Variants in ERN1 observed in about 807,000 individuals in gnomAD.
ERN1 encodes the protein endoplasmic reticulum to nucleus signaling 1.
ERN1 carries 39 observed loss-of-function variants against 113.1 expected under a neutral mutation model. The ratio of observed to expected loss-of-function variants is 0.34; its 90% CI spans 0.27 to 0.45. The LOEUF is 0.45. Ranked by LOEUF, ERN1 falls within the 20% of genes least tolerant of loss-of-function variation. The pLI, the probability that ERN1 is intolerant of heterozygous loss-of-function variation, is 1.00. For missense variants in ERN1, 976 were observed against 1,274.8 expected (o/e 0.77, Z 3.57); for synonymous variants, 507 against 515.9 (o/e 0.98, Z 0.23).
At position 64,053,657 on chromosome 17, in the gene ERN1, G is replaced by C. The variant is rs548146614; in HGVS notation, c.1954-286C>G. Among the ~76,000 whole-genome samples, 4 of 152,250 alleles carry C rather than the reference G, an allele frequency of 2.6e-5. No homozygotes were observed. In the East Asian group the frequency reaches 5.8e-4, roughly 22 times the overall value. ...AAGTGAGCCTGGAAAATGAGCAAAAGGAGCTTGCTGGATGATCTTAAAGCC... is the reference window on the plus strand; with the variant it reads ...AAGTGAGCCTGGAAAATGAGCAAAACGAGCTTGCTGGATGATCTTAAAGCC... On this transcript the variant is annotated intron_variant, in intron 15 of 21. Transcript: ENST00000433197.
rs996987324 is a variant in ERN1 at position 64,086,532 on chromosome 17, G to T, written c.176-5724C>A. On this transcript the variant is annotated intron_variant, in intron 2 of 21. Coordinates refer to ENST00000433197, the MANE Select transcript of ERN1 (RefSeq NM_001433.5). The stretch of plus-strand genomic sequence containing the variant: ...CCTATTTACCTGCTGAGGGACATTT[G>T]AGTTGTTTTTATTTTCTTGGCTGGT... 1.1e-4 allele frequency among the ~76,000 whole-genome samples: 17 copies of T among 150,364 alleles called. No homozygotes were observed. The East Asian group carries it at 1.4e-3, about 12-fold the overall frequency.
chr17:64,079,875 A>G (rs1913714513), intron 3 of ERN1, 141 bp from the exon 4 acceptor site: 1 of 620,924 alleles, frequency 1.6e-6, no homozygotes, highest in Non-Finnish European at 2.9e-6. Context: ...ATATAAGACA[A>G]TTCCACCCAC....
chr17:64,095,153 A>T (rs1345635951), intron 2 of ERN1, among the ~76,000 whole-genome samples: 3 of 152,194 alleles, frequency 2.0e-5, no homozygotes, highest in African/African-American at 7.2e-5. Flanking sequence ...ACTGGAAATT[A>T]TTAGGCTGGG....
At chr17:64,109,628 G>A (rs1404288062) in intron 1 of ERN1, among the ~76,000 whole-genome samples, 1 of 152,180 alleles carries the variant, frequency 6.6e-6, no homozygotes, top group East Asian at 1.9e-4. Flanking sequence ...ACTGTTTACT[G>A]CTTCTGGGAT....
intron 1 of ERN1, among the ~76,000 whole-genome samples, chr17:64,127,756 T>G (rs1457586224): frequency 3.1e-5 from 3 of 96,428 alleles, no homozygotes; most frequent in Non-Finnish European, 5.8e-5. Context: ...AAACTCCATA[T>G]CAAAAAAAAA....
intron 1 of ERN1, among the ~76,000 whole-genome samples, chr17:64,100,344 C>T (rs1477831306): frequency 1.3e-5 from 2 of 152,126 alleles, no homozygotes; most frequent in Non-Finnish European, 2.9e-5. Flanking sequence ...GCAAATTATG[C>T]ATACCTGGGG....
chr17:64,102,433 C>T (rs73992929), intron 1 of ERN1, among the ~76,000 whole-genome samples: 7,661 of 152,266 alleles, frequency 0.05, 634 homozygotes, highest in African/African-American at 0.18. Flanking sequence ...ACTATTACAA[C>T]TGGCAGGTTC....
chr17:64,093,176 T>C (rs1024615727), intron 2 of ERN1, among the ~76,000 whole-genome samples: 3 of 152,208 alleles, frequency 2.0e-5, no homozygotes, highest in Non-Finnish European at 2.9e-5. Flanking sequence ...TCCAGTTCAT[T>C]GGCTCCTGAA....
At chr17:64,084,884 C>T (rs1329093022) in intron 2 of ERN1, among the ~76,000 whole-genome samples, 1 of 152,210 alleles carries the variant, frequency 6.6e-6, no homozygotes, top group Non-Finnish European at 1.5e-5. Flanking sequence ...ACTGGCTGTT[C>T]CTCTGCCTAG....
chr17:64,130,125 C>G lies in ERN1; in HGVS notation c.-96G>C. The stretch of plus-strand genomic sequence containing the variant: ...GAGGCGGTGACCGAGCCTCAGCGGA[C>G]GCAGAACTGACTAGGCAGCGGCGGC... On this transcript the variant is annotated 5_prime_UTR_variant, in exon 1 of 22. Coordinates refer to ENST00000433197, the MANE Select transcript of ERN1 (RefSeq NM_001433.5). The surrounding 1 kb of genome is among the most constrained non-coding windows in gnomAD (Gnocchi z 4.0). 1.7e-6 allele frequency: 2 copies of G among 1,144,434 alleles called. No homozygotes were observed. Among genetic ancestry groups the G allele is most frequent in the East Asian group, 6.4e-5 (2 of 31,192 alleles). The allele number at this position is 1,144,434 out of a possible 1,614,324, so 70.9% of individuals were successfully genotyped here.
At chr17:64,095,125 C>CAGATCATCATGAATACTACTGG (rs1567878360) in intron 2 of ERN1, among the ~76,000 whole-genome samples, 1 of 152,152 alleles carries the variant, frequency 6.6e-6, no homozygotes, top group Non-Finnish European at 1.5e-5. Flanking sequence ...CTTAGAAAAA[C>CAGATCATCATGAATACTACTGG]AGATCATCAT....
rs560144319 is a variant in ERN1, at chr17:64,048,344, T to C, written c.2402-359A>G. Among the ~76,000 whole-genome samples, 22 of 152,288 alleles carry C rather than the reference T, an allele frequency of 1.4e-4. No homozygotes were observed. In the South Asian group the frequency reaches 4.6e-3, roughly 32 times the overall value. On this transcript the variant is annotated intron_variant, in intron 18 of 21. Transcript: ENST00000433197. Reference sequence around the variant, plus strand: ...GCATGCTGCAAAACAGTATGCAGGATTTAACTGTATTTTTATAAAATATGC... The same window carrying C: ...GCATGCTGCAAAACAGTATGCAGGACTTAACTGTATTTTTATAAAATATGC...
chr17:64,071,738 A>G (rs555965854), intron 6 of ERN1, among the ~76,000 whole-genome samples: 1 of 152,282 alleles, frequency 6.6e-6, no homozygotes, highest in Non-Finnish European at 1.5e-5. Context: ...CTTTGAAATG[A>G]GAGAAATGAG....
At chr17:64,102,242 T>A (rs1022782370) in intron 1 of ERN1, among the ~76,000 whole-genome samples, 1 of 152,120 alleles carries the variant, frequency 6.6e-6, no homozygotes, top group Non-Finnish European at 1.5e-5. Context: ...GCTAAGATCA[T>A]ACCATTGCAC....
chr17:64,068,764 A>G (rs1913319079), intron 6 of ERN1, among the ~76,000 whole-genome samples: 1 of 152,200 alleles, frequency 6.6e-6, no homozygotes, highest in Non-Finnish European at 1.5e-5. Flanking sequence ...GGGCACTGCT[A>G]TTGAAAATGG....
chr17:64,109,541 C>G (rs543250431), intron 1 of ERN1, among the ~76,000 whole-genome samples: 2 of 152,226 alleles, frequency 1.3e-5, no homozygotes, highest in African/African-American at 4.8e-5. Flanking sequence ...GGCCACCATA[C>G]CACCTTCCTC....
chr17:64,096,550 C>T (rs1914235428), intron 2 of ERN1, among the ~76,000 whole-genome samples: 1 of 152,204 alleles, frequency 6.6e-6, no homozygotes, highest in African/African-American at 2.4e-5. Flanking sequence ...CATCCCAAAA[C>T]ATTCCCTGCC....
intron 17 of ERN1, among the ~76,000 whole-genome samples, chr17:64,050,928 C>T (rs1047225182): frequency 1.4e-4 from 21 of 152,164 alleles, no homozygotes; most frequent in African/African-American, 5.1e-4. Flanking sequence ...GACTGACCCA[C>T]CCAGGTCTCC....
intron 9 of ERN1, among the ~76,000 whole-genome samples, chr17:64,064,611 G>A (rs1041610277): frequency 2.6e-5 from 4 of 152,192 alleles, no homozygotes; most frequent in African/African-American, 7.2e-5. Context: ...AGACAAGAGA[G>A]CCAACCACAC....
Sources: gnomAD v4.1 joint callset for allele counts (sites outside exome capture counted in the v4.1 genomes callset) on GRCh38, gnomAD v4.1.1 for gene constraint, Gnocchi (gnomAD v3.1) non-coding constraint, MANE v1.5 for transcripts, NCBI Gene and HGNC (gene_info 2026-07-23, HGNC 2026-07-21) for gene names.